ITGA8: variants seen among roughly 807,000 people sequenced by gnomAD.
ITGA8 encodes the protein integrin alpha-8.
A neutral mutation model predicts 142.3 loss-of-function variants in ITGA8; 91 were observed. The observed-to-expected ratio is 0.64, with a 90% CI of 0.54 to 0.76. The LOEUF (loss-of-function observed/expected upper bound fraction) is 0.76, where lower values mean the gene tolerates loss of function less well. Ranked by LOEUF, ITGA8 falls within the 30% of genes least tolerant of loss-of-function variation. ITGA8 has a pLI of 0.00. For synonymous variants in ITGA8, 505 were observed against 485.2 expected, an observed-to-expected ratio of 1.04 and a Z score of -0.54; for missense variants, 1,406 against 1,327.7, an observed-to-expected ratio of 1.06 and a Z score of -0.92.
chr10:15,558,002 A>T, intron 26 of ITGA8, 72 bp downstream of exon 26: 2 of 1,560,276 alleles, frequency 1.3e-6, no homozygotes, highest in Non-Finnish European at 1.8e-6. Context: ...TTGAAGTTAA[A>T]ACTATCTGTA....
chr10:15,668,605 T>C (rs1275548214), intron 8 of ITGA8, among the ~76,000 whole-genome samples: 1 of 152,198 alleles, frequency 6.6e-6, no homozygotes, highest in Non-Finnish European at 1.5e-5. Flanking sequence ...ATGCAGTTTC[T>C]TCCTAGCCTG....
chr10:15,622,599 A>T (rs1798104278), intron 13 of ITGA8, among the ~76,000 whole-genome samples: 1 of 15,516 alleles, frequency 6.4e-5, no homozygotes, highest in African/African-American at 8.9e-5. Context: ...AAACAAAACA[A>T]AACAAAAAAA....
rs774014496 is a variant in ITGA8 at position 15,677,614 on chromosome 10, T to C, written c.654A>G (p.Gly218=). 1 of 1,613,570 alleles carries C rather than the reference T, an allele frequency of 6.2e-7. No homozygotes were observed. Among genetic ancestry groups the C allele is most frequent in the Non-Finnish European group, 8.5e-7 (1 of 1,179,782 alleles). The change falls in exon 6 of 30, where the codon GGA becomes GGG. Residue 218 remains glycine (G), a synonymous_variant. Coordinates refer to ENST00000378076, the MANE Select transcript of ITGA8 (RefSeq NM_003638.3). ...TACCTTGCCAGTAGAAACTCCCAGG[T>C]CCTCCCACAATAAGGTCTCCATTCT... is the stretch of plus-strand genomic sequence containing the variant. ...FYKNGDLIVG[G]PGSFYWQGQV...
chr10:15,681,482 G>A (rs1279927583), intron 4 of ITGA8, among the ~76,000 whole-genome samples: 1 of 152,198 alleles, frequency 6.6e-6, no homozygotes, highest in East Asian at 1.9e-4. Context: ...TTAGGCTACT[G>A]TGTCCATGTA....
At chr10:15,576,563 T>C (rs1488788450) in intron 23 of ITGA8, among the ~76,000 whole-genome samples, 4 of 152,184 alleles carry the variant, frequency 2.6e-5, no homozygotes, top group Non-Finnish European at 5.9e-5. Flanking sequence ...TCAGATGTCA[T>C]AGGGCCCTTT....
intron 2 of ITGA8, among the ~76,000 whole-genome samples, chr10:15,698,722 G>T (rs1322585958): frequency 6.6e-6 from 1 of 152,026 alleles, no homozygotes; most frequent in Non-Finnish European, 1.5e-5. Flanking sequence ...TTTGAGAATT[G>T]TCTGTTCATG....
chr10:15,588,154 T>C (rs905062153), intron 22 of ITGA8, among the ~76,000 whole-genome samples: 1 of 152,176 alleles, frequency 6.6e-6, no homozygotes, highest in Non-Finnish European at 1.5e-5. Flanking sequence ...GTGACTAGCT[T>C]TTGAAGCTTT....
At chr10:15,651,714 G>T (rs944725013) in intron 11 of ITGA8, among the ~76,000 whole-genome samples, 1 of 152,096 alleles carries the variant, frequency 6.6e-6, no homozygotes, top group Admixed American at 6.6e-5. Context: ...ATGTGTGCGT[G>T]CAGGGAAGTC....
At chr10:15,647,880 T>A (rs796142432) in intron 11 of ITGA8, among the ~76,000 whole-genome samples, 1 of 152,176 alleles carries the variant, frequency 6.6e-6, no homozygotes, top group Admixed American at 6.5e-5. Context: ...GCTAGAAAGG[T>A]AGCAAACAAC....
At chr10:15,563,328 A>C (rs1834017130) in intron 25 of ITGA8, among the ~76,000 whole-genome samples, 1 of 152,244 alleles carries the variant, frequency 6.6e-6, no homozygotes, top group African/African-American at 2.4e-5. Flanking sequence ...GGTATCAGAT[A>C]AAAAGTGAGC....
At chr10:15,709,247 C>T (rs1378360000) in intron 2 of ITGA8, among the ~76,000 whole-genome samples, 1 of 152,204 alleles carries the variant, frequency 6.6e-6, no homozygotes, top group Non-Finnish European at 1.5e-5. Context: ...AGAAACGCTG[C>T]TCCAGCTTTC....
chr10:15,672,358 A>G (rs762498643), intron 7 of ITGA8, among the ~76,000 whole-genome samples: 5 of 152,222 alleles, frequency 3.3e-5, no homozygotes, highest in Admixed American at 6.5e-5. Context: ...AGCCCTGCTA[A>G]TACATAGTAT....
rs1210262409 is a variant in ITGA8 at position 15,719,828 on chromosome 10, G to A, written c.-57C>T. ...AGGAGCGCGAGCCGAGGACCCCTGC[G>A]GGGCAAGGGGGGCTGGTGGAATCTG... On this transcript the variant is annotated 5_prime_UTR_variant, in exon 1 of 30. Transcript: ENST00000378076. 5.8e-6 allele frequency: 7 copies of A among 1,215,852 alleles called. No homozygotes were observed. Among genetic ancestry groups the A allele is most frequent in the African/African-American group, 3.2e-5 (2 of 62,378 alleles). The allele number at this position is 1,215,852 out of a possible 1,614,324, so 75.3% of individuals were successfully genotyped here.
intron 13 of ITGA8, among the ~76,000 whole-genome samples, chr10:15,619,914 C>A (rs1266645024): frequency 6.6e-6 from 1 of 152,120 alleles, no homozygotes; most frequent in Non-Finnish European, 1.5e-5. Flanking sequence ...TTCTTGGCCC[C>A]AAATAAGGTG....
At chr10:15,638,201 C>T (rs997839547) in intron 13 of ITGA8, among the ~76,000 whole-genome samples, 2 of 152,036 alleles carry the variant, frequency 1.3e-5, no homozygotes, top group Admixed American at 6.6e-5. Context: ...AAATATAAAC[C>T]AAACCACCTC....
chr10:15,526,760 T>C (rs571421553), intron 28 of ITGA8, among the ~76,000 whole-genome samples: 114 of 152,368 alleles, frequency 7.5e-4, no homozygotes, highest in African/African-American at 2.5e-3. Flanking sequence ...ATTATAATTG[T>C]CTGCAATTTT....
intron 3 of ITGA8, 88 bp downstream of exon 3, chr10:15,687,850 G>A: frequency 2.5e-6 from 2 of 807,004 alleles, no homozygotes; most frequent in South Asian, 3.0e-5. Flanking sequence ...GTTCCTTTAG[G>A]AAAGAGCTTT....
chr10:15,522,736 G>A (rs1833093627), intron 28 of ITGA8, among the ~76,000 whole-genome samples: 1 of 152,196 alleles, frequency 6.6e-6, no homozygotes, highest in Non-Finnish European at 1.5e-5. Flanking sequence ...TTAAGGCTGG[G>A]CACAGTGGCT....
intron 26 of ITGA8, among the ~76,000 whole-genome samples, chr10:15,555,822 AG>A (rs1316124060): frequency 6.6e-6 from 1 of 151,124 alleles, no homozygotes; most frequent in Non-Finnish European, 1.5e-5. Flanking sequence ...CAGCCTCCCG[AG>A]GAGCTGGGAC....
Sources: gnomAD v4.1 joint callset for allele counts (sites outside exome capture counted in the v4.1 genomes callset) on GRCh38, gnomAD v4.1.1 for gene constraint, MANE v1.5 for transcripts, NCBI Gene and HGNC (gene_info 2026-07-23, HGNC 2026-07-21) for gene names.